The following HYDIN variants were observed in gnomAD, a reference collection of about 807,000 sequenced individuals.
HYDIN encodes HYDIN axonemal central pair apparatus protein.
Under a neutral mutation model 403.9 loss-of-function variants are expected in HYDIN, and 132 were observed. The ratio of observed to expected loss-of-function variants is 0.33; its 90% CI spans 0.28 to 0.38. HYDIN has a LOEUF of 0.38. HYDIN is among the 10% of genes least tolerant of loss of function. The pLI is 1.00. For missense variants in HYDIN, 2,827 were observed against 5,009.5 expected (o/e 0.56, Z 13.15); for synonymous variants, 1,202 against 1,891.7 (o/e 0.64, Z 9.46).
intron 75 of HYDIN, among the ~76,000 whole-genome samples, chr16:70,842,015 G>A (rs1380157419): frequency 2.7e-5 from 4 of 150,604 alleles, no homozygotes; most frequent in African/African-American, 1.0e-4. Context: ...TGTTAGGCTG[G>A]GCATCCCAAA....
intron 3 of HYDIN, among the ~76,000 whole-genome samples, chr16:71,183,464 G>A (rs1438364101): frequency 6.6e-6 from 1 of 152,152 alleles, no homozygotes; most frequent in Non-Finnish European, 1.5e-5. Flanking sequence ...CAGGAAAAAT[G>A]TAGTGTATCC....
At chr16:70,995,850 C>G (rs562287558) in intron 23 of HYDIN, among the ~76,000 whole-genome samples, 14 of 152,108 alleles carry the variant, frequency 9.2e-5, no homozygotes, top group Non-Finnish European at 1.8e-4. Flanking sequence ...CAAGAAGGGC[C>G]TGCATATGCT....
At chr16:71,023,021 T>C (rs1454921338) in intron 21 of HYDIN, among the ~76,000 whole-genome samples, 1 of 152,034 alleles carries the variant, frequency 6.6e-6, no homozygotes, top group East Asian at 1.9e-4. Context: ...TATTACGTCT[T>C]GCCCAGAATA....
intron 50 of HYDIN, among the ~76,000 whole-genome samples, chr16:70,904,661 TG>T (rs2076485697): frequency 6.9e-6 from 1 of 144,236 alleles, no homozygotes. Flanking sequence ...CCACCACACC[TG>T]GCTAATTTTT....
chr16:70,898,397 CTG>C (rs2076268900), intron 53 of HYDIN, among the ~76,000 whole-genome samples: 2 of 151,998 alleles, frequency 1.3e-5, no homozygotes, highest in South Asian at 4.2e-4. Flanking sequence ...GTGCAGAGCT[CTG>C]TGCCTGTGCA....
In HYDIN at chr16:70,907,416, C is replaced by T; in HGVS notation, c.8472G>A (p.Glu2824=). The change falls in exon 50 of 86, where the codon GAG becomes GAA. Residue 2824 remains glutamate (E), a synonymous_variant. Coordinates refer to ENST00000393567, the MANE Select transcript of HYDIN (RefSeq NM_001270974.2). ...VIFKKYVMST[E]TYYFGPLLCG... ...AAAGTAGTGGCCCAAAGTAGTACGTCTCCGTGCTCATAACATACTTCTTAA... is the reference window on the plus strand; with the variant it reads ...AAAGTAGTGGCCCAAAGTAGTACGTTTCCGTGCTCATAACATACTTCTTAA... The T allele has an allele frequency of 1.7e-6, 1 of 600,770 alleles. No homozygotes were observed. The highest frequency in any genetic ancestry group is 2.9e-6 in the Non-Finnish European group (1 of 342,530). The allele number at this position is 600,770 out of a possible 1,614,324, so 37.2% of individuals were successfully genotyped here.
At chr16:71,164,313 A>G (rs2086131551) in intron 5 of HYDIN, among the ~76,000 whole-genome samples, 1 of 34,010 alleles carries the variant, frequency 2.9e-5, no homozygotes, top group Non-Finnish European at 5.4e-5. Context: ...ACCATCTGGC[A>G]TACAAATTGG....
intron 13 of HYDIN, among the ~76,000 whole-genome samples, chr16:71,070,061 C>G (rs1188654065): frequency 6.6e-6 from 1 of 152,102 alleles, no homozygotes; most frequent in Non-Finnish European, 1.5e-5. Flanking sequence ...AAAAAATAGC[C>G]TTTCCCAAGA....
intron 21 of HYDIN, among the ~76,000 whole-genome samples, chr16:71,022,894 C>T (rs1036292782): frequency 4.6e-5 from 7 of 151,230 alleles, no homozygotes; most frequent in African/African-American, 1.5e-4. Flanking sequence ...TAAAAACATG[C>T]CCCCCCAAAA....
chr16:71,084,553 A>G (rs956765395), intron 12 of HYDIN, among the ~76,000 whole-genome samples: 5 of 149,256 alleles, frequency 3.3e-5, no homozygotes, highest in Non-Finnish European at 5.9e-5. Context: ...TGCCCAGTTA[A>G]TTTTTTTGTA....
intron 18 of HYDIN, among the ~76,000 whole-genome samples, chr16:71,053,276 G>A (rs1323487489): frequency 6.6e-6 from 1 of 152,236 alleles, no homozygotes; most frequent in East Asian, 1.9e-4. Context: ...AACATCTAAT[G>A]AGGTTGAAAA....
chr16:70,996,593 C>T (rs1483384455), intron 23 of HYDIN, among the ~76,000 whole-genome samples: 1 of 152,060 alleles, frequency 6.6e-6, no homozygotes, highest in Non-Finnish European at 1.5e-5. Context: ...GTGCCAGGGT[C>T]ATAGCAAATG....
intron 45 of HYDIN, among the ~76,000 whole-genome samples, chr16:70,931,960 G>A (rs1479756418): frequency 3.3e-5 from 4 of 120,346 alleles, no homozygotes; most frequent in African/African-American, 6.2e-5. Context: ...GGTTGCGGCC[G>A]AGATCCCACC....
At position 70,803,172 on chromosome 16, in the gene HYDIN, C is replaced by A. The variant is rs1276372612; in HGVS notation, c.*4408G>T. Among the ~76,000 whole-genome samples, 2 of 151,564 alleles carry A rather than the reference C, an allele frequency of 1.3e-5. No individual in the cohort carries two copies. Among genetic ancestry groups the A allele is most frequent in the Non-Finnish European group, 2.9e-5 (2 of 67,892 alleles). On this transcript the variant is annotated 3_prime_UTR_variant, in exon 86 of 86. Coordinates refer to ENST00000393567, the MANE Select transcript of HYDIN (RefSeq NM_001270974.2). Reference sequence around the variant, plus strand: ...CAAACAATAAGGAATTTTTTTTTTACCAGAAGTATTCTTTTCTCCTGAAAT... The same window carrying A: ...CAAACAATAAGGAATTTTTTTTTTAACAGAAGTATTCTTTTCTCCTGAAAT...
At chr16:71,072,653 C>G (rs2082503368) in intron 13 of HYDIN, among the ~76,000 whole-genome samples, 2 of 151,926 alleles carry the variant, frequency 1.3e-5, no homozygotes, top group Non-Finnish European at 2.9e-5. Flanking sequence ...TTACCTTTAG[C>G]TCTGATGGCC....
rs2037822136 is a variant in HYDIN, at chr16:70,841,537, C to T, written c.12874-1304G>A. ...TTCATGGCTTGAATGTTTGTCTCCT[C>T]CAAAACTCATGCTGAAATTTAATTG... is the stretch of plus-strand genomic sequence containing the variant. On this transcript the variant is annotated intron_variant, in intron 75 of 85. Transcript: ENST00000393567. Among the ~76,000 whole-genome samples the T allele has an allele frequency of 3.3e-5, 5 of 152,008 alleles. No homozygotes were observed. In the South Asian group the frequency reaches 8.3e-4, roughly 25 times the overall value.
chr16:70,861,032 C>T, intron 69 of HYDIN, 131 bp from the exon 70 acceptor site: 1 of 639,728 alleles, frequency 1.6e-6, no homozygotes, highest in Non-Finnish European at 2.8e-6. Flanking sequence ...CTGTCTTGGT[C>T]AATAGCATCA....
intron 5 of HYDIN, among the ~76,000 whole-genome samples, chr16:71,167,542 G>C (rs1356416320): frequency 6.6e-6 from 1 of 150,832 alleles, no homozygotes; most frequent in Non-Finnish European, 1.5e-5. Context: ...AAAGGCAGCT[G>C]TAAATAGTTT....
chr16:70,809,836 T>C lies in HYDIN; in HGVS notation c.14830A>G (p.Ile4944Val), dbSNP rs773845057. Residue 4944 changes from isoleucine to valine, a missense_variant, in exon 85 of 86, where the codon ATC (isoleucine) becomes GTC (valine). Ile to Val is a conservative substitution (Grantham distance 29, BLOSUM62 3). Transcript: ENST00000393567. ...GTGTAATTGATGAACTTCACAAGGA[T>C]GATTTGGCTGCTGCCAAGGACAGTC... is the stretch of plus-strand genomic sequence containing the variant. ...FQTVLGSSQI[I>V]LVKFINYTRQ... 9.3e-6 allele frequency: 15 copies of C among 1,614,058 alleles called. No homozygotes were observed. In the South Asian group the frequency reaches 1.6e-4, roughly 18 times the overall value.
Sources: allele counts gnomAD v4.1 joint callset (sites outside exome capture counted in the v4.1 genomes callset), GRCh38; gene constraint gnomAD v4.1.1; transcripts MANE v1.5; gene names NCBI Gene and HGNC (gene_info 2026-07-23, HGNC 2026-07-21).